Variants in MLIP observed in about 807,000 individuals in gnomAD.
MLIP encodes the protein muscular LMNA interacting protein, also known as muscular LMNA-interacting protein.
MLIP carries 79 observed loss-of-function variants against 84.8 expected under a neutral mutation model. That is an observed-to-expected ratio of 0.93 (90% CI 0.78 to 1.12). MLIP has a LOEUF of 1.12. Ranked by LOEUF, MLIP falls within the 50% of genes most tolerant of loss-of-function variation. MLIP has a pLI of 0.00. For synonymous variants in MLIP, 504 were observed against 463.0 expected (o/e 1.09, Z -1.14); for missense variants, 1,257 against 1,160.6 (o/e 1.08, Z -1.21).
chr6:54,056,904 GA>G (rs1765693812), intron 1 of MLIP, among the ~76,000 whole-genome samples: 1 of 152,164 alleles, frequency 6.6e-6, no homozygotes, highest in Non-Finnish European at 1.5e-5. Flanking sequence ...TCTCTACCAT[GA>G]TTTGTACAAT....
chr6:54,130,429 C>T (rs937058694), intron 3 of MLIP, among the ~76,000 whole-genome samples: 2 of 152,084 alleles, frequency 1.3e-5, no homozygotes, highest in African/African-American at 4.8e-5. Context: ...CCTCACTGCC[C>T]AGAGTCTAGA....
At chr6:54,032,483 T>A (rs951746731) in intron 1 of MLIP, 1 of 152,188 alleles carries the variant, frequency 6.6e-6, no homozygotes, top group African/African-American at 2.4e-5. Flanking sequence ...GGCAGAGTAC[T>A]TCTGAATATC....
At chr6:54,111,714 T>A in intron 1 of MLIP, 139 bp downstream of exon 1, 2 of 899,548 alleles carry the variant, frequency 2.2e-6, no homozygotes, top group Non-Finnish European at 3.3e-6. Flanking sequence ...AAATGCTATC[T>A]TCACTTAGAG....
chr6:54,237,228 C>G (rs900463983), intron 12 of MLIP, among the ~76,000 whole-genome samples: 2 of 151,398 alleles, frequency 1.3e-5, no homozygotes, highest in African/African-American at 4.9e-5. Flanking sequence ...CTTCATATGG[C>G]TGGGGAACTC....
intron 5 of MLIP, among the ~76,000 whole-genome samples, chr6:54,149,983 C>T (rs747695590): frequency 6.6e-6 from 1 of 152,014 alleles, no homozygotes; most frequent in Non-Finnish European, 1.5e-5. Context: ...TTTCTCAATG[C>T]ACTAAGTCCA....
intron 1 of MLIP, among the ~76,000 whole-genome samples, chr6:54,096,818 G>A (rs1418931925): frequency 6.6e-6 from 1 of 152,180 alleles, no homozygotes; most frequent in East Asian, 1.9e-4. Context: ...AACAATTCAA[G>A]AGACAGGACT....
chr6:54,183,363 T>C (rs1008506888), intron 9 of MLIP, among the ~76,000 whole-genome samples: 2 of 152,230 alleles, frequency 1.3e-5, no homozygotes, highest in African/African-American at 4.8e-5. Flanking sequence ...TATTTCATTT[T>C]ATATTTGTTC....
At chr6:54,191,257 C>A (rs1381573300) in intron 10 of MLIP, among the ~76,000 whole-genome samples, 1 of 151,942 alleles carries the variant, frequency 6.6e-6, no homozygotes, top group Non-Finnish European at 1.5e-5. Flanking sequence ...TAGCCACAGC[C>A]AACAAATCAT....
chr6:54,055,078 G>A (rs2150322664), intron 1 of MLIP, among the ~76,000 whole-genome samples: 1 of 152,066 alleles, frequency 6.6e-6, no homozygotes, highest in South Asian at 2.1e-4. Flanking sequence ...TAGTAGAGAC[G>A]GGGTTTCACT....
At chr6:54,073,177 G>A (rs372405366) in intron 1 of MLIP, among the ~76,000 whole-genome samples, 2 of 152,272 alleles carry the variant, frequency 1.3e-5, no homozygotes, top group Non-Finnish European at 2.9e-5. Context: ...TAGGAGAGCT[G>A]GGGGGTGGAA....
chr6:54,149,117 TGGAACAGAA>T lies in MLIP; in HGVS notation c.2282_2289+1del. The T allele has an allele frequency of 6.2e-7, 1 of 1,612,790 alleles. No individual in the cohort carries two copies. Among genetic ancestry groups the T allele is most frequent in the Non-Finnish European group, 8.5e-7 (1 of 1,179,118 alleles). ...GCAATCCCTACAAACACATTGCTTT[TGGAACAGAA>T]GGTCAGTGTTGGCTCAAAAACAGTG... On this transcript the variant is annotated inframe_deletion and splice_region_variant, in exon 5 of 14. Transcript: ENST00000502396.
chr6:54,045,217 G>A (rs1181171422), intron 1 of MLIP, among the ~76,000 whole-genome samples: 5 of 151,790 alleles, frequency 3.3e-5, no homozygotes, highest in South Asian at 2.1e-4. Flanking sequence ...GCATGGTGGC[G>A]GGCACCTGTA....
chr6:54,039,755 A>G (rs1352574042), intron 1 of MLIP, among the ~76,000 whole-genome samples: 3 of 151,974 alleles, frequency 2.0e-5, no homozygotes, highest in Non-Finnish European at 4.4e-5. Flanking sequence ...GAGGTAATGT[A>G]ACATATAAAG....
chr6:54,200,704 G>T (rs1778619986), intron 10 of MLIP, among the ~76,000 whole-genome samples: 1 of 147,318 alleles, frequency 6.8e-6, no homozygotes, highest in Non-Finnish European at 1.5e-5. Context: ...ACAATTGGAT[G>T]TTACTTATTC....
intron 1 of MLIP, among the ~76,000 whole-genome samples, chr6:54,028,605 G>A (rs1027026714): frequency 6.6e-6 from 1 of 152,158 alleles, no homozygotes; most frequent in African/African-American, 2.4e-5. Context: ...CTTGAACTCA[G>A]CTTTCAGTTT....
intron 1 of MLIP, among the ~76,000 whole-genome samples, chr6:54,064,562 GTATTCTTAAAGGAAAT>G (rs1766153436): frequency 1.0e-5 from 1 of 99,786 alleles, no homozygotes; most frequent in African/African-American, 2.6e-5. Context: ...TGCAGCCCTG[GTATTCTTAAAGGAAAT>G]TTATGAGGAA....
At position 54,202,123 on chromosome 6, in the gene MLIP, C is replaced by T. The variant is rs138048655; in HGVS notation, c.2608C>T (p.Arg870Cys). ...ESQLTKPGVIRPVPVKSRILL... is the reference protein window; with the variant it reads ...ESQLTKPGVICPVPVKSRILL... Reference sequence around the variant, plus strand: ...CATGAAGACTAAGCCTGGAGTAATTCGCCCAGTACCTGTAAAATCCAGAAT... The same window carrying T: ...CATGAAGACTAAGCCTGGAGTAATTTGCCCAGTACCTGTAAAATCCAGAAT... Residue 870 changes from arginine to cysteine, a missense_variant, in exon 11 of 14, where the codon CGC becomes TGC. Arg to Cys is a radical substitution (Grantham distance 180, BLOSUM62 -3). Transcript: ENST00000502396. 2.7e-5 allele frequency: 43 copies of T among 1,582,844 alleles called. No individual in the cohort carries two copies. The highest frequency in any genetic ancestry group is 1.8e-4 in the South Asian group (15 of 85,010).
chr6:54,129,117 T>C (rs903844304), intron 3 of MLIP, among the ~76,000 whole-genome samples: 2 of 152,088 alleles, frequency 1.3e-5, no homozygotes, highest in Non-Finnish European at 2.9e-5. Flanking sequence ...GACACTAGCA[T>C]ATATGTTTAT....
intron 1 of MLIP, chr6:54,045,669 T>C (rs1044739783): frequency 4.6e-5 from 7 of 152,026 alleles, no homozygotes; most frequent in East Asian, 3.9e-4. Flanking sequence ...TCTTGTGATA[T>C]TGAGTTCTCA....
Sources: gnomAD v4.1 joint callset for allele counts (sites outside exome capture counted in the v4.1 genomes callset) on GRCh38, gnomAD v4.1.1 for gene constraint, MANE v1.5 for transcripts, NCBI Gene and HGNC (gene_info 2026-07-23, HGNC 2026-07-21) for gene names.